LPAR1: variants seen among roughly 807,000 people sequenced by gnomAD.
LPAR1 encodes the protein LPA receptor 1.
Under a neutral mutation model 23.8 loss-of-function variants are expected in LPAR1, and 5 were observed. That is an observed-to-expected ratio of 0.21 (90% CI 0.11 to 0.44). The LOEUF (loss-of-function observed/expected upper bound fraction) is 0.44. Among genes scored for constraint, LPAR1 ranks in the 20% least tolerant of loss-of-function variants. The pLI, the probability that LPAR1 is intolerant of heterozygous loss-of-function variation, is 0.99. For synonymous variants in LPAR1, 160 were observed against 164.7 expected (o/e 0.97, Z 0.22); for missense variants, 311 against 482.8 (o/e 0.64, Z 3.33).
intron 4 of LPAR1, among the ~76,000 whole-genome samples, chr9:110,962,863 T>C (rs999696621): frequency 8.5e-5 from 13 of 152,186 alleles, no homozygotes; most frequent in African/African-American, 2.4e-4. Flanking sequence ...GACAGTCTTA[T>C]TAAGGCAAGG....
At chr9:110,987,587 T>C (rs2096810594) in intron 2 of LPAR1, among the ~76,000 whole-genome samples, 1 of 151,736 alleles carries the variant, frequency 6.6e-6, no homozygotes, top group Non-Finnish European at 1.5e-5. Flanking sequence ...GTCTCCTGTC[T>C]TGATAAATCA....
At chr9:110,914,853 A>G (rs2092905578) in intron 5 of LPAR1, among the ~76,000 whole-genome samples, 1 of 152,168 alleles carries the variant, frequency 6.6e-6, no homozygotes, top group Non-Finnish European at 1.5e-5. Context: ...TTCAAAATTA[A>G]TGTTTTAGCT....
chr9:110,936,014 C>T (rs894357497), intron 5 of LPAR1, among the ~76,000 whole-genome samples: 18 of 152,322 alleles, frequency 1.2e-4, no homozygotes, highest in African/African-American at 4.1e-4. Context: ...TTCTCCTCCA[C>T]CCAATGCTAC....
intron 2 of LPAR1, among the ~76,000 whole-genome samples, chr9:111,009,116 T>C (rs2097276084): frequency 6.6e-6 from 1 of 152,166 alleles, no homozygotes; most frequent in South Asian, 2.1e-4. Context: ...AAAGAGGACA[T>C]ATTAAAGGAT....
At chr9:110,875,796 T>A in intron 5 of LPAR1, 74 bp from the exon 6 acceptor site, 1 of 769,726 alleles carries the variant, frequency 1.3e-6, no homozygotes, top group Non-Finnish European at 1.9e-6. Context: ...CATGCGACCA[T>A]AAAGTGAAAT....
chr9:110,889,522 A>T (rs78730781), intron 5 of LPAR1, among the ~76,000 whole-genome samples: 43 of 152,346 alleles, frequency 2.8e-4, no homozygotes, highest in African/African-American at 1.0e-3. Flanking sequence ...AAAATTCTAA[A>T]TCAGAAATTA....
chr9:110,963,869 C>A (rs1665100698), intron 4 of LPAR1, among the ~76,000 whole-genome samples: 1 of 152,192 alleles, frequency 6.6e-6, no homozygotes. Flanking sequence ...TACTGAAGAT[C>A]CCCCAGCTAT....
At chr9:110,921,252 T>C (rs1000851547) in intron 5 of LPAR1, among the ~76,000 whole-genome samples, 1 of 152,150 alleles carries the variant, frequency 6.6e-6, no homozygotes, top group Non-Finnish European at 1.5e-5. Context: ...CCAGTATAGG[T>C]GACAGAGCAA....
chr9:110,933,362 G>A (rs2094512820), intron 5 of LPAR1, among the ~76,000 whole-genome samples: 1 of 152,168 alleles, frequency 6.6e-6, no homozygotes, highest in East Asian at 1.9e-4. Context: ...ATTCTCATGA[G>A]GACACAACCT....
At chr9:110,987,612 G>C (rs1588700152) in intron 2 of LPAR1, among the ~76,000 whole-genome samples, 1 of 151,604 alleles carries the variant, frequency 6.6e-6, no homozygotes. Context: ...CACCTGGGGA[G>C]TAGGTAAGGA....
chr9:110,909,287 C>T (rs534510834), intron 5 of LPAR1, among the ~76,000 whole-genome samples: 3 of 152,340 alleles, frequency 2.0e-5, no homozygotes, highest in South Asian at 2.1e-4. Context: ...AGGACCTAGA[C>T]CAAACCCCGG....
chr9:110,959,459 T>TA lies in LPAR1; in HGVS notation c.45+12613dup, dbSNP rs377311485. On this transcript the variant is annotated intron_variant, in intron 4 of 5. Transcript: ENST00000683809. The stretch of plus-strand genomic sequence containing the variant: ...GGTGAAACCCCGTCTCTACCAAAAA[T>TA]AAAAAAAAATTAGCCAGGCATGGTG... Among the ~76,000 whole-genome samples, 888 of 150,380 alleles carry TA rather than the reference T, an allele frequency of 5.9e-3. 14 individuals are homozygous for TA. The highest frequency in any genetic ancestry group is 0.02 in the African/African-American group (803 of 41,008).
chr9:110,999,474 C>A (rs2097088868), intron 2 of LPAR1: 1 of 455,386 alleles, frequency 2.2e-6, no homozygotes, highest in Non-Finnish European at 4.4e-6. Context: ...TCTAAAACAA[C>A]CAGACAGCTA....
At chr9:110,942,960 C>T (rs2095210582) in intron 4 of LPAR1, among the ~76,000 whole-genome samples, 1 of 151,736 alleles carries the variant, frequency 6.6e-6, no homozygotes, top group African/African-American at 2.4e-5. Context: ...TGCTTTATAA[C>T]ATGTTTACTT....
intron 2 of LPAR1, among the ~76,000 whole-genome samples, chr9:110,986,818 T>C (rs116206469): frequency 0.017 from 2,629 of 152,132 alleles, 72 homozygotes; most frequent in African/African-American, 0.059. Flanking sequence ...TATTTAAGGT[T>C]TCAAGTAGCT....
chr9:110,985,440 C>G (rs1292068646), intron 2 of LPAR1, among the ~76,000 whole-genome samples: 2 of 151,838 alleles, frequency 1.3e-5, no homozygotes, highest in African/African-American at 4.8e-5. Flanking sequence ...TTCTACAGGG[C>G]ACAGAGCTAA....
intron 2 of LPAR1, among the ~76,000 whole-genome samples, chr9:110,988,347 T>C (rs2096831431): frequency 6.6e-6 from 1 of 151,928 alleles, no homozygotes; most frequent in South Asian, 2.1e-4. Context: ...ATAAAAACCA[T>C]TTTATTATAT....
intron 2 of LPAR1, among the ~76,000 whole-genome samples, chr9:110,989,748 T>C (rs113212078): frequency 0.017 from 2,612 of 152,142 alleles, 79 homozygotes; most frequent in African/African-American, 0.059. Context: ...AAAACACATA[T>C]ATATACACTC....
chr9:110,986,791 A>G (rs1588696571), intron 2 of LPAR1, among the ~76,000 whole-genome samples: 1 of 152,200 alleles, frequency 6.6e-6, no homozygotes, highest in South Asian at 2.1e-4. Context: ...AGTTCTCTTA[A>G]CAGAGACATC....
Sources: allele counts gnomAD v4.1 joint callset (sites outside exome capture counted in the v4.1 genomes callset), GRCh38; gene constraint gnomAD v4.1.1; transcripts MANE v1.5; gene names NCBI Gene and HGNC (gene_info 2026-07-23, HGNC 2026-07-21).